Variants in ERICH6B observed in about 807,000 individuals in gnomAD.
ERICH6B encodes glutamate rich 6B, also known as glutamate-rich protein 6B.
Under a neutral mutation model 80.0 loss-of-function variants are expected in ERICH6B, and 69 were observed. The ratio of observed to expected loss-of-function variants is 0.86; its 90% CI spans 0.71 to 1.05. The LOEUF (loss-of-function observed/expected upper bound fraction) is 1.05. ERICH6B is among the 50% of genes least tolerant of loss of function. The pLI is 0.00. For synonymous variants in ERICH6B, 283 were observed against 291.9 expected (o/e 0.97, Z 0.31); for missense variants, 754 against 796.1 (o/e 0.95, Z 0.64).
intron 1 of ERICH6B, among the ~76,000 whole-genome samples, chr13:45,614,861 C>T (rs1197457254): frequency 6.6e-6 from 1 of 152,272 alleles, no homozygotes; most frequent in Non-Finnish European, 1.5e-5. Flanking sequence ...TGACCTACTT[C>T]TGTGAATTCC....
At chr13:45,597,176 G>C in intron 2 of ERICH6B, 113 bp from the exon 3 acceptor site, 1 of 736,830 alleles carries the variant, frequency 1.4e-6, no homozygotes, top group Non-Finnish European at 2.2e-6. Context: ...GGCTCTTTAA[G>C]TATGCAGATC....
chr13:45,613,299 C>T (rs1275172834), intron 1 of ERICH6B, among the ~76,000 whole-genome samples: 4 of 152,136 alleles, frequency 2.6e-5, no homozygotes, highest in South Asian at 2.1e-4. Flanking sequence ...CCATAAACCT[C>T]GGAGACCCTG....
intron 2 of ERICH6B, among the ~76,000 whole-genome samples, chr13:45,607,201 GT>G (rs1471147634): frequency 6.6e-6 from 1 of 152,162 alleles, no homozygotes; most frequent in Admixed American, 6.5e-5. Context: ...GGAAGGTCAG[GT>G]TTTGTGGAAA....
chr13:45,582,679 A>T (rs2138004009), intron 5 of ERICH6B, among the ~76,000 whole-genome samples: 1 of 152,330 alleles, frequency 6.6e-6, no homozygotes, highest in South Asian at 2.1e-4. Flanking sequence ...GTTGACTCTG[A>T]TCTATGAAAC....
At position 45,604,438 on chromosome 13, in the gene ERICH6B, G is replaced by C. The variant is rs1404377373; in HGVS notation, c.-59+3126C>G. 2.0e-5 allele frequency among the ~76,000 whole-genome samples: 3 copies of C among 152,128 alleles called. No individual in the cohort carries two copies. The East Asian group carries it at 5.8e-4, about 29-fold the overall frequency. On this transcript the variant is annotated intron_variant, in intron 2 of 14. Coordinates refer to ENST00000298738, the MANE Select transcript of ERICH6B (RefSeq NM_182542.3). ...ATCCATCCGTCAGGGGAGGCTGTGG[G>C]GAGGGGAGCTAAGGTTCTGTGTGGC... is the stretch of plus-strand genomic sequence containing the variant.
At chr13:45,580,579 A>G (rs1242375715) in intron 6 of ERICH6B, 24 bp downstream of exon 6, 1 of 1,550,476 alleles carries the variant, frequency 6.4e-7, no homozygotes, top group African/African-American at 1.4e-5. Context: ...TCTACAGATC[A>G]TTTAAAATCA....
chr13:45,571,709 G>A (rs1258013501), intron 8 of ERICH6B, among the ~76,000 whole-genome samples: 1 of 152,196 alleles, frequency 6.6e-6, no homozygotes, highest in Non-Finnish European at 1.5e-5. Flanking sequence ...TTGGAGATAG[G>A]TTCTTCACAG....
intron 2 of ERICH6B, among the ~76,000 whole-genome samples, chr13:45,597,958 C>T (rs1285404555): frequency 3.3e-5 from 5 of 152,182 alleles, no homozygotes; most frequent in Admixed American, 2.6e-4. Flanking sequence ...CCTGCCACTG[C>T]TCTGCTAGTC....
At chr13:45,606,992 C>T (rs185692577) in intron 2 of ERICH6B, among the ~76,000 whole-genome samples, 140 of 152,144 alleles carry the variant, frequency 9.2e-4, no homozygotes, top group African/African-American at 8.9e-4. Flanking sequence ...AAAATCCTTG[C>T]GGCCAGTTGT....
intron 2 of ERICH6B, among the ~76,000 whole-genome samples, chr13:45,601,589 C>A (rs1459403259): frequency 6.6e-6 from 1 of 152,074 alleles, no homozygotes; most frequent in Non-Finnish European, 1.5e-5. Flanking sequence ...CAGCCGGTCC[C>A]CTGGATAGCC....
intron 2 of ERICH6B, among the ~76,000 whole-genome samples, chr13:45,605,822 T>G (rs1283457563): frequency 6.6e-6 from 1 of 152,264 alleles, no homozygotes. Context: ...TGCTGAGCAC[T>G]TACTATGTGC....
At chr13:45,578,334 A>T (rs1263975580) in intron 7 of ERICH6B, among the ~76,000 whole-genome samples, 1 of 152,182 alleles carries the variant, frequency 6.6e-6, no homozygotes, top group Admixed American at 6.5e-5. Flanking sequence ...CTTGCCTATG[A>T]TGTATTTGGA....
chr13:45,559,533 G>A (rs1344206138), intron 11 of ERICH6B, among the ~76,000 whole-genome samples: 1 of 151,866 alleles, frequency 6.6e-6, no homozygotes, highest in Non-Finnish European at 1.5e-5. Context: ...TAGGCATTTA[G>A]GGCCACTAAC....
rs734989 is a variant in ERICH6B, at chr13:45,574,271, T to C, written c.1050+571A>G. 3.7e-3 allele frequency among the ~76,000 whole-genome samples: 559 copies of C among 152,278 alleles called. 12 individuals carry two copies. The South Asian group carries it at 0.058, about 16-fold the overall frequency. On this transcript the variant is annotated intron_variant, in intron 8 of 14. Coordinates refer to ENST00000298738, the MANE Select transcript of ERICH6B (RefSeq NM_182542.3). The stretch of plus-strand genomic sequence containing the variant: ...CATGAAGTGTCAGCCCTAGAGGAAG[T>C]TGATGCAGGAAATTCGAGCCACTAG...
chr13:45,559,352 C>G (rs551724953), intron 11 of ERICH6B, among the ~76,000 whole-genome samples: 1 of 152,042 alleles, frequency 6.6e-6, no homozygotes, highest in East Asian at 1.9e-4. Flanking sequence ...TTCAAAGAAC[C>G]AACTTTTTGT....
chr13:45,563,878 A>G, intron 9 of ERICH6B, 90 bp from the exon 10 acceptor site: 1 of 1,119,688 alleles, frequency 8.9e-7, no homozygotes, highest in Non-Finnish European at 1.3e-6. Flanking sequence ...TGGAGCCTGC[A>G]GAGTCTCTTT....
At chr13:45,554,288 G>T (rs1045274665) in intron 11 of ERICH6B, among the ~76,000 whole-genome samples, 25 of 152,180 alleles carry the variant, frequency 1.6e-4, no homozygotes, top group African/African-American at 4.6e-4. Flanking sequence ...TCTCACAAAT[G>T]ATAGGATTTC....
intron 11 of ERICH6B, among the ~76,000 whole-genome samples, chr13:45,551,813 C>T (rs1164095254): frequency 6.6e-6 from 1 of 152,164 alleles, no homozygotes; most frequent in African/African-American, 2.4e-5. Context: ...CGTTCTCTCT[C>T]TTGCCCTCAT....
intron 9 of ERICH6B, among the ~76,000 whole-genome samples, chr13:45,565,458 G>T (rs1021477360): frequency 1.3e-5 from 2 of 152,164 alleles, no homozygotes; most frequent in African/African-American, 4.8e-5. Context: ...ACCACAGGCT[G>T]GGTGTATGTA....
Sources: gnomAD v4.1 joint callset for allele counts (sites outside exome capture counted in the v4.1 genomes callset) on GRCh38, gnomAD v4.1.1 for gene constraint, MANE v1.5 for transcripts, NCBI Gene and HGNC (gene_info 2026-07-23, HGNC 2026-07-21) for gene names.